The following RNF180 variants were observed in gnomAD, a reference collection of about 807,000 sequenced individuals.
The protein encoded by RNF180 is ring finger protein 180.
Under a neutral mutation model 59.2 loss-of-function variants are expected in RNF180, and 38 were observed. That is an observed-to-expected ratio of 0.64 (90% CI 0.50 to 0.84). The LOEUF is 0.84. Among genes scored for constraint, RNF180 ranks in the 40% least tolerant of loss-of-function variants. The pLI is 0.00. For synonymous variants in RNF180, 262 were observed against 240.3 expected (o/e 1.09, Z -0.84); for missense variants, 705 against 700.9 (o/e 1.01, Z -0.07).
At chr5:64,341,906 G>A (rs1199739911) in intron 7 of RNF180, among the ~76,000 whole-genome samples, 3 of 152,142 alleles carry the variant, frequency 2.0e-5, no homozygotes, top group Admixed American at 1.3e-4. Flanking sequence ...GTAGCAAAAG[G>A]TAGCTCAGGG....
intron 5 of RNF180, among the ~76,000 whole-genome samples, chr5:64,301,366 A>G (rs753333204): frequency 3.3e-5 from 5 of 151,806 alleles, no homozygotes; most frequent in Non-Finnish European, 5.9e-5. Context: ...GTTTGGGTTT[A>G]TTTATGAGTC....
intron 7 of RNF180, among the ~76,000 whole-genome samples, chr5:64,335,862 G>A (rs140895901): frequency 1.7e-4 from 26 of 152,206 alleles, no homozygotes; most frequent in African/African-American, 5.5e-4. Context: ...GGGGAGTATT[G>A]ATACCTTAGA....
At chr5:64,191,974 G>GT (rs1751183413) in intron 1 of RNF180, among the ~76,000 whole-genome samples, 1 of 152,184 alleles carries the variant, frequency 6.6e-6, no homozygotes, top group Admixed American at 6.5e-5. Context: ...TGCATATGGT[G>GT]TAAGATAGGG....
chr5:64,361,810 G>C (rs1042378947), intron 7 of RNF180, among the ~76,000 whole-genome samples: 7 of 151,292 alleles, frequency 4.6e-5, no homozygotes, highest in African/African-American at 1.5e-4. Flanking sequence ...TTAGAATGAA[G>C]TGGTTGTGTC....
chr5:64,235,650 C>A (rs1300896974), intron 5 of RNF180, among the ~76,000 whole-genome samples: 1 of 151,778 alleles, frequency 6.6e-6, no homozygotes, highest in Admixed American at 6.6e-5. Context: ...ATCTAAATTC[C>A]AAATCTCATC....
At chr5:64,285,028 T>A (rs976198492) in intron 5 of RNF180, among the ~76,000 whole-genome samples, 20 of 152,202 alleles carry the variant, frequency 1.3e-4, no homozygotes, top group Non-Finnish European at 2.8e-4. Flanking sequence ...GAGGGTCTGA[T>A]CATGGCATAT....
At chr5:64,343,830 A>C (rs1385279907) in intron 7 of RNF180, among the ~76,000 whole-genome samples, 1 of 151,708 alleles carries the variant, frequency 6.6e-6, no homozygotes, top group Non-Finnish European at 1.5e-5. Context: ...GTAGACCTAC[A>C]CTACAAGAAA....
chr5:64,249,967 A>C (rs1743457426), intron 5 of RNF180, among the ~76,000 whole-genome samples: 1 of 152,210 alleles, frequency 6.6e-6, no homozygotes, highest in African/African-American at 2.4e-5. Context: ...AAATGGACTT[A>C]ACAGGCATAT....
chr5:64,282,357 G>A (rs1413173474), intron 5 of RNF180, among the ~76,000 whole-genome samples: 1 of 152,082 alleles, frequency 6.6e-6, no homozygotes, highest in South Asian at 2.1e-4. Context: ...TAGTCTCTGA[G>A]GGTTATTTGT....
rs184258259 is a variant in RNF180 at position 64,254,202 on chromosome 5, G to A, written c.1227+36806G>A. 2.3e-3 allele frequency among the ~76,000 whole-genome samples: 356 copies of A among 152,274 alleles called. 2 individuals carry two copies. Among genetic ancestry groups the A allele is most frequent in the Middle Eastern group, 6.8e-3 (2 of 294 alleles). Reference sequence around the variant, plus strand: ...TAAAGACAGCTAAAATCTCTAGGAAGCTAAACCTTTCAAGTCCACCTTTAG... The same window carrying A: ...TAAAGACAGCTAAAATCTCTAGGAAACTAAACCTTTCAAGTCCACCTTTAG... On this transcript the variant is annotated intron_variant, in intron 5 of 7. Coordinates refer to ENST00000389100, the MANE Select transcript of RNF180 (RefSeq NM_001113561.2).
intron 5 of RNF180, among the ~76,000 whole-genome samples, chr5:64,323,935 C>A (rs1429837194): frequency 6.6e-6 from 1 of 152,110 alleles, no homozygotes; most frequent in Non-Finnish European, 1.5e-5. Flanking sequence ...TCACCATTTC[C>A]AAGAACCTAC....
intron 1 of RNF180, among the ~76,000 whole-genome samples, chr5:64,176,091 C>T (rs1750214814): frequency 6.6e-6 from 1 of 152,010 alleles, no homozygotes; most frequent in Non-Finnish European, 1.5e-5. Context: ...GCAGTGAAGC[C>T]CACAAATCCT....
chr5:64,370,119 A>C lies in RNF180; in HGVS notation c.*305A>C, dbSNP rs192129848. 7.4e-5 allele frequency: 13 copies of C among 175,758 alleles called. No individual in the cohort carries two copies. The East Asian group carries it at 1.9e-3, about 26-fold the overall frequency. The allele number at this position is 175,758 out of a possible 1,614,324, so 10.9% of individuals were successfully genotyped here. A position where few individuals can be genotyped will look rare whatever the true frequency, so the allele number is the denominator to read the frequency against. On this transcript the variant is annotated 3_prime_UTR_variant, in exon 8 of 8. Transcript: ENST00000389100. The stretch of plus-strand genomic sequence containing the variant: ...TTTAATACTTATTTTGATTGTAAAA[A>C]ACTGAAGTTTTCTCTCCACTTAAAA...
chr5:64,172,828 T>C (rs1486350169), intron 1 of RNF180, among the ~76,000 whole-genome samples: 1 of 152,190 alleles, frequency 6.6e-6, no homozygotes, highest in African/African-American at 2.4e-5. Context: ...CCCTGAGGCA[T>C]GACTGTCCAG....
At chr5:64,287,961 C>G (rs1373451082) in intron 5 of RNF180, among the ~76,000 whole-genome samples, 1 of 152,148 alleles carries the variant, frequency 6.6e-6, no homozygotes, top group East Asian at 1.9e-4. Context: ...GCATTTTCAT[C>G]ATGAAATCTT....
At chr5:64,343,135 AAAAG>A (rs1745423384) in intron 7 of RNF180, among the ~76,000 whole-genome samples, 1 of 152,160 alleles carries the variant, frequency 6.6e-6, no homozygotes, top group South Asian at 2.1e-4. Flanking sequence ...CACTCATCAA[AAAAG>A]AAAGTACAAA....
At chr5:64,311,217 T>C (rs148678514) in intron 5 of RNF180, among the ~76,000 whole-genome samples, 1 of 152,068 alleles carries the variant, frequency 6.6e-6, no homozygotes. Flanking sequence ...ACAGTTACTT[T>C]GATCTGAAAT....
rs1242381203 is a variant in RNF180 at position 64,330,892 on chromosome 5, C to T, written c.1579+486C>T. Among the ~76,000 whole-genome samples, 5 of 152,248 alleles carry T rather than the reference C, an allele frequency of 3.3e-5. No homozygotes were observed. In the East Asian group the frequency reaches 9.6e-4, roughly 29 times the overall value. On this transcript the variant is annotated intron_variant, in intron 7 of 7. Coordinates refer to ENST00000389100, the MANE Select transcript of RNF180 (RefSeq NM_001113561.2). ...CCTACCCAGGCAAAGTTGCAGCCAC[C>T]CAGCCATGGCTTCGGACCGAGACAT... is the stretch of plus-strand genomic sequence containing the variant.
At chr5:64,217,088 T>A (rs762964765) in intron 4 of RNF180, among the ~76,000 whole-genome samples, 4 of 152,208 alleles carry the variant, frequency 2.6e-5, no homozygotes, top group Non-Finnish European at 5.9e-5. Flanking sequence ...ATTAATATAC[T>A]GTTAAAATAT....
Sources: gnomAD v4.1 joint callset for allele counts (sites outside exome capture counted in the v4.1 genomes callset) on GRCh38, gnomAD v4.1.1 for gene constraint, MANE v1.5 for transcripts, NCBI Gene and HGNC (gene_info 2026-07-23, HGNC 2026-07-21) for gene names.